FBXO32: variants seen among roughly 807,000 people sequenced by gnomAD.
FBXO32 encodes the protein F-box protein 32, also known as F-box only protein 32.
FBXO32 carries 15 observed loss-of-function variants against 48.3 expected under a neutral mutation model. That is an observed-to-expected ratio of 0.31 (90% CI 0.21 to 0.48). The LOEUF (loss-of-function observed/expected upper bound fraction) is 0.48, where lower values mean the gene tolerates loss of function less well. Among genes scored for constraint, FBXO32 ranks in the 20% least tolerant of loss-of-function variants. The probability of loss-of-function intolerance (pLI) is 0.99; values close to 1 mark genes in which losing one functional copy is unlikely to be tolerated. For synonymous variants in FBXO32, 154 were observed against 165.9 expected (o/e 0.93, Z 0.55); for missense variants, 309 against 432.7 (o/e 0.71, Z 2.54).
rs762708878 is a variant in FBXO32, at chr8:123,540,478, G to C, written c.116+421C>G. Among the ~76,000 whole-genome samples, 18 of 152,242 alleles carry C rather than the reference G, an allele frequency of 1.2e-4. No individual in the cohort carries two copies. The highest frequency in any genetic ancestry group is 2.1e-4 in the Non-Finnish European group (14 of 68,038). On this transcript the variant is annotated intron_variant, in intron 1 of 8. Transcript: ENST00000517956. This position sits in a 1 kb window ranked among gnomAD's most constrained non-coding sequence, Gnocchi z 6.4. ...CGCGTCCACAGCGCTTGGGCGCTGG[G>C]AGCCGGGCCACCCCGCGGTGAAGGG... is the stretch of plus-strand genomic sequence containing the variant.
chr8:123,530,256 G>T (rs546631777), intron 4 of FBXO32, among the ~76,000 whole-genome samples: 3 of 152,252 alleles, frequency 2.0e-5, no homozygotes, highest in African/African-American at 7.2e-5. Flanking sequence ...GGACAGCCAA[G>T]CCTGCATCTG....
rs1372373815 is a variant in FBXO32 at position 123,540,095 on chromosome 8, T to G, written c.116+804A>C. Among the ~76,000 whole-genome samples the G allele has an allele frequency of 1.3e-5, 2 of 152,114 alleles. No homozygotes were observed. The highest frequency in any genetic ancestry group is 4.8e-5 in the African/African-American group (2 of 41,408). On this transcript the variant is annotated intron_variant, in intron 1 of 8. Coordinates refer to ENST00000517956, the MANE Select transcript of FBXO32 (RefSeq NM_058229.4). This position sits in a 1 kb window ranked among gnomAD's most constrained non-coding sequence, Gnocchi z 6.4. Reference sequence around the variant, plus strand: ...CACAGAGCTCAGGTGAGGCCTCGAATCCAGAGGCTCACCGGGGCCAGGCAG... The same window carrying G: ...CACAGAGCTCAGGTGAGGCCTCGAAGCCAGAGGCTCACCGGGGCCAGGCAG...
intron 4 of FBXO32, among the ~76,000 whole-genome samples, chr8:123,521,307 G>T (rs528798554): frequency 1.3e-5 from 2 of 152,152 alleles, no homozygotes; most frequent in African/African-American, 4.8e-5. Context: ...GTAGCTGGAA[G>T]GGACTCAGGA....
intron 2 of FBXO32, among the ~76,000 whole-genome samples, chr8:123,533,942 A>C (rs1384804655): frequency 6.6e-6 from 1 of 151,790 alleles, no homozygotes; most frequent in African/African-American, 2.4e-5. Flanking sequence ...AAAACACAAA[A>C]ATTAGCCGGG....
intron 4 of FBXO32, among the ~76,000 whole-genome samples, chr8:123,523,694 T>C (rs937196712): frequency 6.6e-6 from 1 of 151,886 alleles, no homozygotes; most frequent in African/African-American, 2.4e-5. Context: ...TCCTGAGTCA[T>C]TAAGAAAAAA....
rs1817277412 is a variant in FBXO32, at chr8:123,534,733, C to G, written c.198G>C (p.Lys66Asn). 6.2e-7 allele frequency: 1 copy of G among 1,613,600 alleles called. No homozygotes were observed. Among genetic ancestry groups the G allele is most frequent in the African/African-American group, 1.3e-5 (1 of 74,882 alleles). ...TTTTGGTTTTGCTATTCAGCATGTC[C>G]TTCTTTCTCTTCTTGGCTGCAACAT... is the stretch of plus-strand genomic sequence containing the variant. ...NYDVAAKKRKKDMLNSKTKTQ... is the reference protein window; with the variant it reads ...NYDVAAKKRKNDMLNSKTKTQ... Residue 66 changes from lysine (K) to asparagine (N), a missense_variant, in exon 2 of 9, where the codon AAG becomes AAC. Physicochemically the swap from Lys to Asn is moderately conservative, Grantham distance 94 (BLOSUM62 0). Transcript: ENST00000517956.
intron 1 of FBXO32, among the ~76,000 whole-genome samples, chr8:123,535,345 T>G (rs903780808): frequency 6.6e-6 from 1 of 152,210 alleles, no homozygotes; most frequent in African/African-American, 2.4e-5. Context: ...CCTTCTAACA[T>G]GTCTTTAAAA....
Position 123,506,840 on chromosome 8 carries a change from ACT to A in FBXO32, c.652-268_652-267del, listed in dbSNP as rs1816635249. On this transcript the variant is annotated intron_variant, in intron 6 of 8. Coordinates refer to ENST00000517956, the MANE Select transcript of FBXO32 (RefSeq NM_058229.4). This position sits in a 1 kb window ranked among gnomAD's most constrained non-coding sequence, Gnocchi z 4.0. ...AAGCTTGAAACTTTCACTCTTAAAGACTCTCCAAATAGCGCATGTGCTTTACT... is the reference window on the plus strand; with the variant it reads ...AAGCTTGAAACTTTCACTCTTAAAGACTCCAAATAGCGCATGTGCTTTACT... Among the ~76,000 whole-genome samples the A allele has an allele frequency of 6.6e-6, 1 of 151,916 alleles. No homozygotes were observed. The highest frequency in any genetic ancestry group is 1.5e-5 in the Non-Finnish European group (1 of 68,004).
At position 123,504,312 on chromosome 8, in the gene FBXO32, CTA is replaced by C. The variant is rs368373797; in HGVS notation, c.978+290_978+291del. Reference sequence around the variant, plus strand: ...TTTATAAGTCTGGAAAAACTAAAAGCTATGTGTTTCCATGTGTAAGTGTGTGT... The same window carrying C: ...TTTATAAGTCTGGAAAAACTAAAAGCTGTGTTTCCATGTGTAAGTGTGTGT... On this transcript the variant is annotated intron_variant, in intron 8 of 8. Transcript: ENST00000517956. 2.8e-3 allele frequency among the ~76,000 whole-genome samples: 425 copies of C among 152,138 alleles called. 4 individuals carry two copies. The highest frequency in any genetic ancestry group is 9.8e-3 in the African/African-American group (408 of 41,492).
intron 4 of FBXO32, among the ~76,000 whole-genome samples, chr8:123,530,593 C>T (rs1212626453): frequency 2.0e-5 from 3 of 152,014 alleles, no homozygotes; most frequent in Non-Finnish European, 2.9e-5. Flanking sequence ...TGCTTTACTA[C>T]CTTCATCATT....
chr8:123,506,697 G>T lies in FBXO32; in HGVS notation c.652-123C>A. 2.6e-6 allele frequency: 2 copies of T among 758,174 alleles called. No homozygotes were observed. The highest frequency in any genetic ancestry group is 4.3e-6 in the Non-Finnish European group (2 of 464,876). 47.0% of individuals were successfully genotyped at this position (758,174 alleles called of 1,614,324 possible). A position where few individuals can be genotyped will look rare whatever the true frequency, so the allele number is the denominator to read the frequency against. ...CAAGGCAGTTTATTGATAAGAGGTC[G>T]AAAGCAGTAGTAAATCTCCCCATCC... On this transcript the variant is annotated intron_variant, in intron 6 of 8. Coordinates refer to ENST00000517956, the MANE Select transcript of FBXO32 (RefSeq NM_058229.4). The surrounding 1 kb of genome is among the most constrained non-coding windows in gnomAD (Gnocchi z 4.0).
intron 2 of FBXO32, among the ~76,000 whole-genome samples, chr8:123,533,869 G>A (rs982027027): frequency 6.6e-6 from 1 of 151,984 alleles, no homozygotes; most frequent in Non-Finnish European, 1.5e-5. Flanking sequence ...GAGCGGGGTA[G>A]ATCGCTTGAG....
chr8:123,527,116 A>G (rs999409534), intron 4 of FBXO32: 8 of 152,216 alleles, frequency 5.3e-5, no homozygotes, highest in African/African-American at 1.9e-4. Flanking sequence ...CGTACAAATC[A>G]TTCTTAGCTC....
At chr8:123,522,460 C>T (rs1398706211) in intron 4 of FBXO32, among the ~76,000 whole-genome samples, 2 of 152,078 alleles carry the variant, frequency 1.3e-5, no homozygotes, top group Non-Finnish European at 2.9e-5. Flanking sequence ...CCACCTGCCT[C>T]GGCCTCCCAA....
chr8:123,540,925 G>A lies in FBXO32; in HGVS notation c.90C>T (p.Ser30=). The change falls in exon 1 of 9, where the codon AGC becomes AGT. Residue 30 remains serine (S), a synonymous_variant. Transcript: ENST00000517956. The surrounding 1 kb of genome is among the most constrained non-coding windows in gnomAD (Gnocchi z 6.4). ...DGWKRFLDEK[S]GSFVSDLSSY... The stretch of plus-strand genomic sequence containing the variant: ...TGCTGAGGTCGCTCACGAAACTGCC[G>A]CTCTTCTCATCCAGGAAGCGCTTCC... 1.2e-6 allele frequency: 2 copies of A among 1,613,494 alleles called. No individual in the cohort carries two copies. The highest frequency in any genetic ancestry group is 8.5e-7 in the Non-Finnish European group (1 of 1,179,700).
intron 8 of FBXO32, among the ~76,000 whole-genome samples, 161 bp downstream of exon 8, chr8:123,504,443 C>T (rs992871227): frequency 6.9e-6 from 1 of 144,902 alleles, no homozygotes; most frequent in African/African-American, 2.5e-5. Flanking sequence ...AAAGTCCTTC[C>T]CCCCCACCCT....
chr8:123,539,837 T>G (rs1817376305), intron 1 of FBXO32, among the ~76,000 whole-genome samples: 1 of 152,042 alleles, frequency 6.6e-6, no homozygotes, highest in Admixed American at 6.6e-5. Flanking sequence ...GGGCCCATGG[T>G]TTTAACCAAA....
At chr8:123,535,468 A>C (rs1314232735) in intron 1 of FBXO32, among the ~76,000 whole-genome samples, 1 of 152,250 alleles carries the variant, frequency 6.6e-6, no homozygotes, top group African/African-American at 2.4e-5. Flanking sequence ...CACACTAGGC[A>C]TCATGCTGTG....
chr8:123,538,324 C>T (rs952868230), intron 1 of FBXO32, among the ~76,000 whole-genome samples: 2 of 152,110 alleles, frequency 1.3e-5, no homozygotes, highest in Non-Finnish European at 2.9e-5. Context: ...TCCTTCATCC[C>T]GGGCTCTTGT....
Sources: allele counts gnomAD v4.1 joint callset (sites outside exome capture counted in the v4.1 genomes callset), GRCh38; gene constraint gnomAD v4.1.1; non-coding constraint Gnocchi (gnomAD v3.1); transcripts MANE v1.5; gene names NCBI Gene and HGNC (gene_info 2026-07-23, HGNC 2026-07-21).